Variants in RGL1 observed in about 807,000 individuals in gnomAD.
RGL1 encodes the protein ral guanine nucleotide dissociation stimulator like 1.
In RGL1, 24 loss-of-function variants were observed where a neutral mutation model predicts 95.2. The observed-to-expected ratio is 0.25, with a 90% CI of 0.18 to 0.35. The LOEUF is 0.35. Ranked by LOEUF, RGL1 falls within the 10% of genes least tolerant of loss-of-function variation. The probability of loss-of-function intolerance (pLI) is 1.00; values close to 1 mark genes in which losing one functional copy is unlikely to be tolerated. For synonymous variants in RGL1, 329 were observed against 344.9 expected (o/e 0.95, Z 0.51); for missense variants, 715 against 936.3 (o/e 0.76, Z 3.08).
intron 5 of RGL1, among the ~76,000 whole-genome samples, chr1:183,882,934 T>G (rs1437092069): frequency 6.6e-6 from 1 of 152,212 alleles, no homozygotes; most frequent in Non-Finnish European, 1.5e-5. Context: ...AGAGTTTTCT[T>G]TCCTTGAGAA....
At chr1:183,863,506 C>T (rs1665644106) in intron 3 of RGL1, among the ~76,000 whole-genome samples, 1 of 152,034 alleles carries the variant, frequency 6.6e-6, no homozygotes, top group African/African-American at 2.4e-5. Flanking sequence ...GTGACATGAT[C>T]TGATCTACCT....
intron 1 of RGL1, among the ~76,000 whole-genome samples, chr1:183,651,800 T>A (rs1650771301): frequency 6.6e-6 from 1 of 152,216 alleles, no homozygotes; most frequent in Non-Finnish European, 1.5e-5. Context: ...GATTTAACCC[T>A]TGGCAGTGGA....
At position 183,894,175 on chromosome 1, in the gene RGL1, CTAACT is replaced by C. The variant is rs937749204; in HGVS notation, c.1140+2015_1140+2019del. Among the ~76,000 whole-genome samples the C allele has an allele frequency of 2.2e-4, 34 of 152,330 alleles. 1 individual carries two copies. Among genetic ancestry groups the C allele is most frequent in the African/African-American group, 7.7e-4 (32 of 41,574 alleles). ...TCCCTGTCAGCAGTACGAAGCTAGA[CTAACT>C]GGAGCCACACATTCAAATCCAAACA... On this transcript the variant is annotated intron_variant, in intron 9 of 17. Transcript: ENST00000360851.
At chr1:183,889,046 A>T (rs762152043) in intron 8 of RGL1, among the ~76,000 whole-genome samples, 1 of 152,198 alleles carries the variant, frequency 6.6e-6, no homozygotes, top group African/African-American at 2.4e-5. Context: ...TATTGGCATT[A>T]AAAACCTTTA....
At chr1:183,807,794 C>T (rs1661440922) in intron 2 of RGL1, among the ~76,000 whole-genome samples, 1 of 152,232 alleles carries the variant, frequency 6.6e-6, no homozygotes, top group South Asian at 2.1e-4. Context: ...GAGGTCTTCA[C>T]TTACCAAGTA....
chr1:183,748,437 G>A (rs563893673), intron 2 of RGL1, among the ~76,000 whole-genome samples: 243 of 110,136 alleles, frequency 2.2e-3, no homozygotes, highest in Middle Eastern at 0.011. Flanking sequence ...ACGGAGTCTC[G>A]CTCTGTTGCC....
At chr1:183,700,465 G>A (rs950001867) in intron 1 of RGL1, among the ~76,000 whole-genome samples, 2 of 151,012 alleles carry the variant, frequency 1.3e-5, no homozygotes, top group Admixed American at 1.3e-4. Flanking sequence ...TAAGTTCTGG[G>A]ATACATGTGC....
At chr1:183,733,427 TC>T (rs1307341155) in intron 1 of RGL1, among the ~76,000 whole-genome samples, 1 of 152,130 alleles carries the variant, frequency 6.6e-6, no homozygotes, top group Non-Finnish European at 1.5e-5. Flanking sequence ...TCTAGTGGTT[TC>T]CCCTTGGTTT....
chr1:183,742,358 C>T (rs112902301), intron 2 of RGL1: 93 of 1,580,054 alleles, frequency 5.9e-5, no homozygotes, highest in African/African-American at 4.0e-5. Context: ...CATAATTCTT[C>T]GTGTAGCCAG....
At chr1:183,743,210 C>T (rs139077070) in intron 2 of RGL1, among the ~76,000 whole-genome samples, 85 of 152,176 alleles carry the variant, frequency 5.6e-4, no homozygotes, top group African/African-American at 2.0e-3. Flanking sequence ...ATGAGACTCT[C>T]GCTATGTTGC....
chr1:183,874,558 T>C (rs1187426209), intron 4 of RGL1, among the ~76,000 whole-genome samples: 1 of 152,004 alleles, frequency 6.6e-6, no homozygotes, highest in Non-Finnish European at 1.5e-5. Context: ...TGCGTTGCCC[T>C]TGCCTTCTTA....
At chr1:183,653,532 T>G (rs1357924905) in intron 1 of RGL1, among the ~76,000 whole-genome samples, 1 of 152,220 alleles carries the variant, frequency 6.6e-6, no homozygotes, top group Non-Finnish European at 1.5e-5. Context: ...GAGGGCCTGC[T>G]CCTCAGCACC....
At chr1:183,858,081 A>G (rs940696839) in intron 3 of RGL1, among the ~76,000 whole-genome samples, 1 of 152,306 alleles carries the variant, frequency 6.6e-6, no homozygotes, top group African/African-American at 2.4e-5. Flanking sequence ...TTTTGAAAAG[A>G]ATATAAAATT....
intron 3 of RGL1, among the ~76,000 whole-genome samples, chr1:183,859,770 G>C (rs1191987426): frequency 6.6e-6 from 1 of 152,148 alleles, no homozygotes; most frequent in Non-Finnish European, 1.5e-5. Flanking sequence ...AGAGAACAAG[G>C]AGTTTTTGCC....
chr1:183,849,077 T>A (rs6424915), intron 3 of RGL1, among the ~76,000 whole-genome samples: 83,070 of 147,078 alleles, frequency 0.56, 22,785 homozygotes, highest in African/African-American at 0.58. Context: ...AATTTTCATT[T>A]AAAAAATTTT....
intron 2 of RGL1, among the ~76,000 whole-genome samples, chr1:183,762,140 T>A (rs1558193191): frequency 6.6e-6 from 1 of 152,226 alleles, no homozygotes; most frequent in Non-Finnish European, 1.5e-5. Flanking sequence ...CATTTTAAAT[T>A]TCCTTCAAGA....
intron 1 of RGL1, among the ~76,000 whole-genome samples, chr1:183,695,711 C>T (rs1289818939): frequency 6.6e-6 from 1 of 152,152 alleles, no homozygotes; most frequent in Admixed American, 6.5e-5. Context: ...TCTATTTTAG[C>T]ATGAATTTAT....
chr1:183,831,528 G>A (rs2102488877), intron 2 of RGL1, among the ~76,000 whole-genome samples: 1 of 152,174 alleles, frequency 6.6e-6, no homozygotes, highest in East Asian at 1.9e-4. Flanking sequence ...GATCACCATG[G>A]ATGCCATAAG....
intron 2 of RGL1, among the ~76,000 whole-genome samples, chr1:183,742,781 C>T (rs1185206565): frequency 6.6e-6 from 1 of 151,816 alleles, no homozygotes; most frequent in Non-Finnish European, 1.5e-5. Flanking sequence ...TGCTATTATT[C>T]TTTCAATGGA....
Sources: gnomAD v4.1 joint callset for allele counts (sites outside exome capture counted in the v4.1 genomes callset) on GRCh38, gnomAD v4.1.1 for gene constraint, MANE v1.5 for transcripts, NCBI Gene and HGNC (gene_info 2026-07-23, HGNC 2026-07-21) for gene names.